The following SECISBP2 variants were observed in gnomAD, a reference collection of about 807,000 sequenced individuals.
The protein encoded by SECISBP2 is selenocysteine insertion sequence-binding protein 2.
SECISBP2 carries 96 observed loss-of-function variants against 98.2 expected under a neutral mutation model. The ratio of observed to expected loss-of-function variants is 0.98; its 90% CI spans 0.83 to 1.16. SECISBP2 has a LOEUF of 1.16. Among genes scored for constraint, SECISBP2 ranks in the 50% most tolerant of loss-of-function variants. SECISBP2 has a pLI of 0.00. For missense variants in SECISBP2, 1,046 were observed against 1,022.9 expected, an observed-to-expected ratio of 1.02 and a Z score of -0.31; for synonymous variants, 407 against 370.2, an observed-to-expected ratio of 1.10 and a Z score of -1.14.
chr9:89,334,005 T>C, intron 6 of SECISBP2: 1 of 1,028,730 alleles, frequency 9.7e-7, no homozygotes, highest in South Asian at 3.7e-5. Context: ...GATAGATGTC[T>C]TTGTTTTGTC....
intron 2 of SECISBP2, chr9:89,322,618 C>G (rs958042798): frequency 2.0e-5 from 3 of 152,108 alleles, no homozygotes; most frequent in Admixed American, 2.0e-4. Flanking sequence ...CACCATCTGC[C>G]AATATACTGT....
intron 10 of SECISBP2, among the ~76,000 whole-genome samples, chr9:89,344,629 C>T (rs545614570): frequency 9.9e-5 from 15 of 152,068 alleles, no homozygotes; most frequent in Non-Finnish European, 1.8e-4. Context: ...TCCTTTACTG[C>T]CTTTGGTGTT....
At chr9:89,339,089 A>G (rs1829253869) in intron 8 of SECISBP2, among the ~76,000 whole-genome samples, 1 of 152,202 alleles carries the variant, frequency 6.6e-6, no homozygotes, top group Non-Finnish European at 1.5e-5. Flanking sequence ...CATGTACTCT[A>G]AGGAGCCAGC....
intron 10 of SECISBP2, among the ~76,000 whole-genome samples, chr9:89,345,576 T>G (rs1275948160): frequency 6.6e-6 from 1 of 152,164 alleles, no homozygotes; most frequent in East Asian, 1.9e-4. Context: ...ACTTCGTGGT[T>G]GTTTTTGTGG....
rs1368898634 is a variant in SECISBP2, at chr9:89,358,129, G to GCC, written c.2402_2403dup (p.Ser802ProfsTer12). 1 of 1,613,800 alleles carries GCC rather than the reference G, an allele frequency of 6.2e-7. No homozygotes were observed. The highest frequency in any genetic ancestry group is 2.2e-5 in the East Asian group (1 of 44,880). The stretch of plus-strand genomic sequence containing the variant: ...GCACCTCCCAGCCTACCCACACAGG[G>GCC]CCCCAGCTGCCCTGCAGAAGATGGC... On this transcript the variant is annotated frameshift_variant, in exon 16 of 17. Coordinates refer to ENST00000375807, the MANE Select transcript of SECISBP2 (RefSeq NM_024077.5). LOFTEE classifies it high-confidence loss of function.
In SECISBP2 at chr9:89,318,938, G is replaced by C. The variant is rs752455576; in HGVS notation, c.36+326G>C. On this transcript the variant is annotated intron_variant, in intron 1 of 16. Transcript: ENST00000375807. ...CGAGCTTCCCGCGCTCTTGGGAACG[G>C]ATAGATTGTTTTAAAGGATCCTGCG... 9.2e-6 allele frequency: 11 copies of C among 1,189,400 alleles called. No homozygotes were observed. In the Admixed American group the frequency reaches 4.1e-4, roughly 45 times the overall value. 73.7% of individuals were successfully genotyped at this position (1,189,400 alleles called of 1,614,324 possible). A position where few individuals can be genotyped will look rare whatever the true frequency, so the allele number is the denominator to read the frequency against.
At position 89,334,651 on chromosome 9, in the gene SECISBP2, T is replaced by TACC. The variant is rs755776708; in HGVS notation, c.1010_1011insACC (p.Val337_Ser338insPro). 8.9e-5 allele frequency: 143 copies of TACC among 1,614,092 alleles called. No homozygotes were observed. The highest frequency in any genetic ancestry group is 1.7e-4 in the Middle Eastern group (1 of 6,058). Reference sequence around the variant, plus strand: ...GCTTCATCAGCAGATCCTAAAAATGTTAGTATACCATCTTCTGAAGCTTTA... The same window carrying TACC: ...GCTTCATCAGCAGATCCTAAAAATGTACCTAGTATACCATCTTCTGAAGCTTTA... On this transcript the variant is annotated inframe_insertion, in exon 7 of 17. Coordinates refer to ENST00000375807, the MANE Select transcript of SECISBP2 (RefSeq NM_024077.5).
At position 89,336,081 on chromosome 9, in the gene SECISBP2, C is replaced by CTTTTTTTTTTTTTTTTTTTTTTTTT. The variant is rs59799418; in HGVS notation, c.1089+1354_1089+1378dup. Among the ~76,000 whole-genome samples, 15 of 33,058 alleles carry CTTTTTTTTTTTTTTTTTTTTTTTTT rather than the reference C, an allele frequency of 4.5e-4. 2 individuals carry two copies. Among genetic ancestry groups the CTTTTTTTTTTTTTTTTTTTTTTTTT allele is most frequent in the South Asian group, 9.8e-4 (1 of 1,024 alleles). The allele number at this position is 33,058 out of a possible 152,430, so 21.7% of individuals were successfully genotyped here. Reference sequence around the variant, plus strand: ...TTTTTCCCTTAAGTAATTTTAAGTGCTTTTTTTTTTTTTTTTTTTTTTTTT... The same window carrying CTTTTTTTTTTTTTTTTTTTTTTTTT: ...TTTTTCCCTTAAGTAATTTTAAGTGCTTTTTTTTTTTTTTTTTTTTTTTTTTTTTTTTTTTTTTTTTTTTTTTTTT... On this transcript the variant is annotated intron_variant, in intron 7 of 16. Transcript: ENST00000375807.
intron 14 of SECISBP2, chr9:89,355,196 T>G: frequency 1.0e-6 from 1 of 985,476 alleles, no homozygotes; most frequent in Non-Finnish European, 1.2e-6. Flanking sequence ...GATCGATATG[T>G]AAGTAGATTC....
chr9:89,362,567 T>C, downstream of SECISBP2: 1 of 1,472,262 alleles, frequency 6.8e-7, no homozygotes, highest in South Asian at 1.2e-5. Flanking sequence ...CTCCTTGGAG[T>C]CTAAAGATCC....
In SECISBP2 at chr9:89,337,972, A is replaced by G. The variant is rs78488472; in HGVS notation, c.1090-486A>G. On this transcript the variant is annotated intron_variant, in intron 7 of 16. Transcript: ENST00000375807. Reference sequence around the variant, plus strand: ...AAGCACATCTGACCTGGATGAGGAGAGGCCCAGGGGGTTAGGGGCCTGTAG... The same window carrying G: ...AAGCACATCTGACCTGGATGAGGAGGGGCCCAGGGGGTTAGGGGCCTGTAG... 5.5e-3 allele frequency among the ~76,000 whole-genome samples: 843 copies of G among 152,298 alleles called. 15 individuals are homozygous for G. The highest frequency in any genetic ancestry group is 0.023 in the Admixed American group (357 of 15,300).
intron 2 of SECISBP2, among the ~76,000 whole-genome samples, chr9:89,320,043 C>A (rs1217234380): frequency 1.3e-5 from 2 of 152,058 alleles, no homozygotes; most frequent in East Asian, 1.9e-4. Context: ...GTAGAGACTG[C>A]ATTGCATTTG....
chr9:89,358,071 CA>C lies in SECISBP2; in HGVS notation c.2342del (p.Gln781ArgfsTer32). ...GTACAAGACCATGCTGGAGAATGTG[CA>C]GCAGGAGCTGGTGGGAGAGCCCAGG... Reference protein sequence around the residue: ...QAYKTMLENVQQELVGEPRPQ... With the variant: ...QAYKTMLENVXQELVGEPRPQ... On this transcript the variant is annotated frameshift_variant, in exon 16 of 17. Transcript: ENST00000375807. LOFTEE classifies it high-confidence loss of function. 1 of 1,613,758 alleles carries C rather than the reference CA, an allele frequency of 6.2e-7. No individual in the cohort carries two copies. The highest frequency in any genetic ancestry group is 8.5e-7 in the Non-Finnish European group (1 of 1,179,992).
intron 6 of SECISBP2, 26 bp from the exon 7 acceptor site, chr9:89,334,496 C>T (rs538512920): frequency 6.3e-7 from 1 of 1,595,730 alleles, no homozygotes; most frequent in African/African-American, 1.3e-5. Flanking sequence ...TGAGATTGTT[C>T]AACAATTTTG....
intron 7 of SECISBP2, among the ~76,000 whole-genome samples, chr9:89,335,607 T>C (rs1828533737): frequency 6.6e-6 from 1 of 152,052 alleles, no homozygotes; most frequent in Non-Finnish European, 1.5e-5. Context: ...CTGGGATTAC[T>C]GGCGTGAGCC....
At chr9:89,361,090 T>TGAG (rs1167907164), downstream of SECISBP2, 1 of 152,194 alleles carries the variant, frequency 6.6e-6, no homozygotes, top group Non-Finnish European at 1.5e-5. Flanking sequence ...CTTCAGGTTA[T>TGAG]GAGTATGTGA....
downstream of SECISBP2, chr9:89,362,037 T>C: frequency 2.4e-6 from 1 of 423,492 alleles, no homozygotes; most frequent in Admixed American, 3.5e-5. Flanking sequence ...AGGATCAGCC[T>C]TCAGAGCCTG....
In SECISBP2 at chr9:89,354,795, C is replaced by T. The variant is rs572648045; in HGVS notation, c.2114-2616C>T. ...TCAAATAACATTTCAGATTCACTCC[C>T]GGGAGCTGGGGTGGACACCAGGCAG... is the stretch of plus-strand genomic sequence containing the variant. On this transcript the variant is annotated intron_variant, in intron 14 of 16. Transcript: ENST00000375807. The T allele has an allele frequency of 4.2e-5, 41 of 985,390 alleles. No individual in the cohort carries two copies. The South Asian group carries it at 5.2e-4, about 12-fold the overall frequency. 61.0% of individuals were successfully genotyped at this position (985,390 alleles called of 1,614,324 possible). A position where few individuals can be genotyped will look rare whatever the true frequency, so the allele number is the denominator to read the frequency against.
In SECISBP2 at chr9:89,342,240, A is replaced by C. The variant is rs184790401; in HGVS notation, c.1435+761A>C. On this transcript the variant is annotated intron_variant, in intron 10 of 16. Transcript: ENST00000375807. Reference sequence around the variant, plus strand: ...TTAATCAAAAGTACAGTGAAATACTATTTCCCACCTAGTGGGATGATTATA... The same window carrying C: ...TTAATCAAAAGTACAGTGAAATACTCTTTCCCACCTAGTGGGATGATTATA... Among the ~76,000 whole-genome samples, 202 of 152,378 alleles carry C rather than the reference A, an allele frequency of 1.3e-3. 1 individual carries two copies. The highest frequency in any genetic ancestry group is 4.7e-3 in the African/African-American group (197 of 41,596).
Sources: allele counts gnomAD v4.1 joint callset (sites outside exome capture counted in the v4.1 genomes callset), GRCh38; gene constraint gnomAD v4.1.1; transcripts MANE v1.5; gene names NCBI Gene and HGNC (gene_info 2026-07-23, HGNC 2026-07-21).